The following TMEM108 variants were observed in gnomAD, a reference collection of about 807,000 sequenced individuals.
TMEM108 encodes transmembrane protein 108.
TMEM108 carries 12 observed loss-of-function variants against 35.1 expected under a neutral mutation model. That is an observed-to-expected ratio of 0.34 (90% confidence interval 0.22 to 0.55). The LOEUF (loss-of-function observed/expected upper bound fraction) is 0.55. Among genes scored for constraint, TMEM108 ranks in the 20% least tolerant of loss-of-function variants. TMEM108 has a pLI of 0.89. For missense variants in TMEM108, 680 were observed against 753.3 expected, an observed-to-expected ratio of 0.90 and a Z score of 1.14; for synonymous variants, 287 against 308.6, an observed-to-expected ratio of 0.93 and a Z score of 0.73.
intron 2 of TMEM108, among the ~76,000 whole-genome samples, chr3:133,213,065 T>A (rs534536989): frequency 1.3e-5 from 2 of 152,224 alleles, no homozygotes; most frequent in Admixed American, 1.3e-4. Context: ...ACTTATGCTA[T>A]AAAAAAGCCT....
chr3:133,204,554 A>G (rs1945722342), intron 2 of TMEM108, among the ~76,000 whole-genome samples: 1 of 152,088 alleles, frequency 6.6e-6, no homozygotes, highest in Admixed American at 6.5e-5. Flanking sequence ...TAAATTTGTT[A>G]TTTACCCAGT....
In TMEM108 at chr3:133,195,423, C is replaced by G. The variant is rs148156789; in HGVS notation, c.-46-33843C>G. Among the ~76,000 whole-genome samples the G allele has an allele frequency of 1.9e-3, 294 of 152,276 alleles. 2 individuals carry two copies. The highest frequency in any genetic ancestry group is 6.7e-3 in the African/African-American group (280 of 41,548). ...TCTTCTTGACATCCTTTCCACCATTCATGGTTCATCTCAGCTATCATCTTC... is the reference window on the plus strand; with the variant it reads ...TCTTCTTGACATCCTTTCCACCATTGATGGTTCATCTCAGCTATCATCTTC... On this transcript the variant is annotated intron_variant, in intron 2 of 5. Transcript: ENST00000321871.
At chr3:133,245,536 A>G (rs921949308) in intron 3 of TMEM108, among the ~76,000 whole-genome samples, 2 of 152,246 alleles carry the variant, frequency 1.3e-5, no homozygotes, top group Non-Finnish European at 2.9e-5. Context: ...TAAGTTCTGC[A>G]CAGCACTTGA....
At chr3:133,199,375 A>AG (rs1405050227) in intron 2 of TMEM108, among the ~76,000 whole-genome samples, 2 of 151,866 alleles carry the variant, frequency 1.3e-5, no homozygotes, top group African/African-American at 2.4e-5. Flanking sequence ...GATTTTTAGA[A>AG]TTTTCAGCTT....
At chr3:133,306,009 T>TA (rs1402390909) in intron 3 of TMEM108, among the ~76,000 whole-genome samples, 14 of 152,178 alleles carry the variant, frequency 9.2e-5, no homozygotes, top group African/African-American at 3.1e-4. Flanking sequence ...AAACCTATGT[T>TA]ATGCAGATAT....
In TMEM108 at chr3:133,130,527, G is replaced by A. The variant is rs548449550; in HGVS notation, c.-47+84507G>A. On this transcript the variant is annotated intron_variant, in intron 2 of 5. Coordinates refer to ENST00000321871, the MANE Select transcript of TMEM108 (RefSeq NM_023943.4). ...ATAGCTTCAGGGTAGACAGACTTCT[G>A]TACCAGTTCACTGCTCAGCACATGA... 2.0e-5 allele frequency among the ~76,000 whole-genome samples: 3 copies of A among 152,244 alleles called. No homozygotes were observed. In the East Asian group the frequency reaches 5.8e-4, roughly 29 times the overall value.
chr3:133,120,032 A>G (rs978771441), intron 2 of TMEM108, among the ~76,000 whole-genome samples: 2 of 152,190 alleles, frequency 1.3e-5, no homozygotes, highest in Non-Finnish European at 2.9e-5. Context: ...AGTTATTTCC[A>G]CTATGACTAG....
intron 3 of TMEM108, among the ~76,000 whole-genome samples, chr3:133,277,198 G>A (rs1490185754): frequency 1.3e-5 from 2 of 152,018 alleles, no homozygotes; most frequent in Non-Finnish European, 2.9e-5. Flanking sequence ...TCATTTATTA[G>A]ACAGTAGTTT....
intron 2 of TMEM108, among the ~76,000 whole-genome samples, chr3:133,126,322 C>T (rs998211159): frequency 6.6e-6 from 1 of 151,872 alleles, no homozygotes; most frequent in African/African-American, 2.4e-5. Flanking sequence ...CAAAAATTAG[C>T]CAGGCATGGT....
chr3:133,142,225 CTAATA>C (rs1944651353), intron 2 of TMEM108, among the ~76,000 whole-genome samples: 1 of 152,072 alleles, frequency 6.6e-6, no homozygotes, highest in Admixed American at 6.6e-5. Context: ...GTGAACACAC[CTAATA>C]TAATATAATC....
intron 2 of TMEM108, among the ~76,000 whole-genome samples, chr3:133,064,295 A>C (rs1030914438): frequency 6.6e-6 from 1 of 152,172 alleles, no homozygotes; most frequent in Non-Finnish European, 1.5e-5. Flanking sequence ...CCTTTAATCT[A>C]TATTAGGGAA....
intron 2 of TMEM108, among the ~76,000 whole-genome samples, chr3:133,186,430 C>T (rs543439899): frequency 3.4e-4 from 52 of 152,312 alleles, no homozygotes; most frequent in South Asian, 1.2e-3. Context: ...ATCTCTGAAA[C>T]GTGCCTACAA....
chr3:133,307,552 G>GGT lies in TMEM108; in HGVS notation c.41-72197_41-72196dup, dbSNP rs547051193. On this transcript the variant is annotated intron_variant, in intron 3 of 5. Transcript: ENST00000321871. Reference sequence around the variant, plus strand: ...CCATCTTGAATTAATTTTTGTATAAGGTGTAAGGAAAAGATCCAGTTTCAG... The same window carrying GGT: ...CCATCTTGAATTAATTTTTGTATAAGGTGTGTAAGGAAAAGATCCAGTTTCAG... Among the ~76,000 whole-genome samples the GGT allele has an allele frequency of 7.2e-5, 11 of 152,246 alleles. No homozygotes were observed. The East Asian group carries it at 1.7e-3, about 24-fold the overall frequency.
In TMEM108 at chr3:133,385,593, G is replaced by A. The variant is rs547739452; in HGVS notation, c.1450+4432G>A. Among the ~76,000 whole-genome samples, 45 of 152,342 alleles carry A rather than the reference G, an allele frequency of 3.0e-4. 1 individual carries two copies. In the South Asian group the frequency reaches 8.7e-3, roughly 29 times the overall value. On this transcript the variant is annotated intron_variant, in intron 4 of 5. Transcript: ENST00000321871. ...ACCCCTCCCACTGGCACCCATGGGC[G>A]AATCCTTTCCCTCACTGGTCTCAGG...
At position 133,059,628 on chromosome 3, in the gene TMEM108, C is replaced by T. The variant is rs553780929; in HGVS notation, c.-47+13608C>T. Among the ~76,000 whole-genome samples the T allele has an allele frequency of 2.4e-4, 37 of 152,262 alleles. 1 individual carries two copies. The highest frequency in any genetic ancestry group is 9.2e-4 in the Admixed American group (14 of 15,296). ...CTGTGCGGCTGCGGAAGAGTTAGGT[C>T]GCCTCTCTGTATAGTGTATTCTCAG... On this transcript the variant is annotated intron_variant, in intron 2 of 5. Transcript: ENST00000321871.
Position 133,070,745 on chromosome 3 carries a change from A to ATGTGTGTGTGTGTGTGTGTGTG in TMEM108, c.-47+24731_-47+24752dup, listed in dbSNP as rs10530634. 2.8e-4 allele frequency among the ~76,000 whole-genome samples: 41 copies of ATGTGTGTGTGTGTGTGTGTGTG among 148,420 alleles called. No individual in the cohort carries two copies. In the South Asian group the frequency reaches 8.6e-3, roughly 31 times the overall value. On this transcript the variant is annotated intron_variant, in intron 2 of 5. Coordinates refer to ENST00000321871, the MANE Select transcript of TMEM108 (RefSeq NM_023943.4). ...TTGCAGTGAATGCTTTCTCTGATGT[A>ATGTGTGTGTGTGTGTGTGTGTG]TGTGTGTGTGTGTGTGTGTGTGTGT...
At chr3:133,095,182 A>C (rs1943997479) in intron 2 of TMEM108, among the ~76,000 whole-genome samples, 1 of 152,206 alleles carries the variant, frequency 6.6e-6, no homozygotes, top group South Asian at 2.1e-4. Context: ...AGCAGATCCA[A>C]AGAGATGACT....
At chr3:133,386,945 A>G in intron 4 of TMEM108, 1 of 913,380 alleles carries the variant, frequency 1.1e-6, no homozygotes, top group Non-Finnish European at 1.3e-6. Flanking sequence ...TCAGGCAGTT[A>G]TCATGTGGGC....
At chr3:133,355,652 T>C (rs1513367) in intron 3 of TMEM108, among the ~76,000 whole-genome samples, 4,614 of 152,246 alleles carry the variant, frequency 0.03, 214 homozygotes, top group African/African-American at 0.097. Flanking sequence ...AACCAAGTTC[T>C]ACAACGGAAC....
Sources: gnomAD v4.1 joint callset for allele counts (sites outside exome capture counted in the v4.1 genomes callset) on GRCh38, gnomAD v4.1.1 for gene constraint, MANE v1.5 for transcripts, NCBI Gene and HGNC (gene_info 2026-07-23, HGNC 2026-07-21) for gene names.